Variants in APOLD1 observed in about 807,000 individuals in gnomAD.
APOLD1 encodes the protein apolipoprotein L domain containing 1.
Under a neutral mutation model 15.3 loss-of-function variants are expected in APOLD1, and 22 were observed. The ratio of observed to expected loss-of-function variants is 1.44; its 90% CI spans 1.03 to 2.05. The LOEUF (loss-of-function observed/expected upper bound fraction) is 2.05. Ranked by LOEUF, APOLD1 falls within the 30% of genes most tolerant of loss-of-function variation. The probability of loss-of-function intolerance (pLI) is 0.00; values close to 1 mark genes in which losing one functional copy is unlikely to be tolerated. For synonymous variants in APOLD1, 190 were observed against 167.4 expected (o/e 1.13, Z -1.04); for missense variants, 394 against 353.5 (o/e 1.11, Z -0.92).
chr12:12,752,158 A>G lies in APOLD1; in HGVS notation c.96+26062A>G, dbSNP rs1946817043. ...GTGGAAAGAAGAGACCTTCTATAAG[A>G]AGGAACTTGATTTTATCTCCTGTGT... On this transcript the variant is annotated intron_variant, in intron 1 of 1. Transcript: ENST00000326765. Among the ~76,000 whole-genome samples the G allele has an allele frequency of 2.6e-5, 4 of 152,342 alleles. No individual in the cohort carries two copies. The South Asian group carries it at 8.3e-4, about 32-fold the overall frequency.
chr12:12,767,427 C>T (rs1305859415), intron 1 of APOLD1, among the ~76,000 whole-genome samples: 1 of 151,954 alleles, frequency 6.6e-6, no homozygotes, highest in African/African-American at 2.4e-5. Context: ...TTTGGGAGGC[C>T]GAGGTGGGTG....
intron 1 of APOLD1, among the ~76,000 whole-genome samples, chr12:12,766,985 C>T (rs564361295): frequency 6.6e-4 from 101 of 151,942 alleles, no homozygotes; most frequent in African/African-American, 2.4e-3. Context: ...GTGGCTCATG[C>T]CTGTAATCTC....
chr12:12,753,494 C>T (rs1946829726), intron 1 of APOLD1, among the ~76,000 whole-genome samples: 1 of 151,858 alleles, frequency 6.6e-6, no homozygotes, highest in Non-Finnish European at 1.5e-5. Context: ...GAGACTACGT[C>T]ACTACAAAAA....
At chr12:12,749,223 C>T (rs1946788598) in intron 1 of APOLD1, among the ~76,000 whole-genome samples, 1 of 151,916 alleles carries the variant, frequency 6.6e-6, no homozygotes, top group South Asian at 2.1e-4. Context: ...TGGGATAGAG[C>T]CAGTGCTATG....
intron 1 of APOLD1, chr12:12,771,603 G>T: frequency 2.0e-6 from 1 of 510,836 alleles, no homozygotes; most frequent in South Asian, 1.4e-5. Context: ...ATCGAGGCCT[G>T]TGTCCTGTTC....
rs1191700346 is a variant in APOLD1, at chr12:12,789,363, GA to G, written c.*1713del. ...CTTTGAAGTAAGTGTGGAGAGTCTT[GA>G]ATGGCAAGACCAGGAGCTGAGTTTA... On this transcript the variant is annotated 3_prime_UTR_variant, in exon 2 of 2. Coordinates refer to ENST00000356591, the MANE Select transcript of APOLD1 (RefSeq NM_030817.3). The G allele has an allele frequency of 6.6e-6, 1 of 152,200 alleles. No homozygotes were observed. The highest frequency in any genetic ancestry group is 1.5e-5 in the Non-Finnish European group (1 of 68,056). 9.4% of individuals were successfully genotyped at this position (152,200 alleles called of 1,614,324 possible).
Position 12,771,324 on chromosome 12 carries a change from C to A in APOLD1, c.97-15585C>A, listed in dbSNP as rs527437724. On this transcript the variant is annotated intron_variant, in intron 1 of 1. Coordinates refer to the APOLD1 transcript ENST00000326765. Reference sequence around the variant, plus strand: ...GCTTTTATCTACCATTAGCAGGTGTCATGCCTGGTGGCCCCCTTATGGCCA... The same window carrying A: ...GCTTTTATCTACCATTAGCAGGTGTAATGCCTGGTGGCCCCCTTATGGCCA... 6.1e-5 allele frequency: 14 copies of A among 229,122 alleles called. No homozygotes were observed. In the East Asian group the frequency reaches 9.8e-4, roughly 16 times the overall value. The allele number at this position is 229,122 out of a possible 1,614,324, so 14.2% of individuals were successfully genotyped here.
Position 12,733,483 on chromosome 12 carries a change from C to A in APOLD1, c.96+7387C>A, listed in dbSNP as rs1462419028. On this transcript the variant is annotated intron_variant, in intron 1 of 1. Coordinates refer to the APOLD1 transcript ENST00000326765. ...AATTGAAGGTTACCCACCACATTAA[C>A]ATCTGTAGTTCCTATTTCTGAGGGC... Among the ~76,000 whole-genome samples, 3 of 152,214 alleles carry A rather than the reference C, an allele frequency of 2.0e-5. No homozygotes were observed. In the East Asian group the frequency reaches 5.8e-4, roughly 29 times the overall value.
At chr12:12,783,619 G>T (rs969856451), upstream of APOLD1, among the ~76,000 whole-genome samples, 1 of 143,262 alleles carries the variant, frequency 7.0e-6, no homozygotes, top group Non-Finnish European at 1.5e-5. Flanking sequence ...GGCCCCAGTT[G>T]GTTTTTTTTT....
chr12:12,761,625 A>G (rs528781027), intron 1 of APOLD1, among the ~76,000 whole-genome samples: 1 of 152,200 alleles, frequency 6.6e-6, no homozygotes, highest in Admixed American at 6.6e-5. Context: ...CTAATATATA[A>G]TTCAGTTGAA....
chr12:12,773,681 C>A (rs934386753), intron 1 of APOLD1, among the ~76,000 whole-genome samples: 1 of 152,122 alleles, frequency 6.6e-6, no homozygotes, highest in Non-Finnish European at 1.5e-5. Flanking sequence ...AACCTCTTCC[C>A]GACTTAATAC....
chr12:12,772,658 C>G (rs1946998106), intron 1 of APOLD1, among the ~76,000 whole-genome samples: 1 of 152,146 alleles, frequency 6.6e-6, no homozygotes, highest in African/African-American at 2.4e-5. Context: ...CTATAGATGA[C>G]TTTATTAAAC....
chr12:12,780,395 C>T (rs1947070448), intron 1 of APOLD1, among the ~76,000 whole-genome samples: 1 of 151,830 alleles, frequency 6.6e-6, no homozygotes, highest in Admixed American at 6.6e-5. Flanking sequence ...GGACTACAGG[C>T]ACACACCACC....
intron 1 of APOLD1, among the ~76,000 whole-genome samples, chr12:12,755,247 A>G (rs1946848832): frequency 1.3e-5 from 2 of 152,220 alleles, no homozygotes; most frequent in African/African-American, 4.8e-5. Flanking sequence ...AATTCGTTAT[A>G]TATAATGAGA....
At chr12:12,746,082 G>A (rs1946762698) in intron 1 of APOLD1, among the ~76,000 whole-genome samples, 2 of 152,142 alleles carry the variant, frequency 1.3e-5, no homozygotes, top group Admixed American at 6.5e-5. Context: ...GCCTTGCAGT[G>A]TGGCTATTTC....
At chr12:12,757,095 C>A (rs1946862292) in intron 1 of APOLD1, among the ~76,000 whole-genome samples, 1 of 152,016 alleles carries the variant, frequency 6.6e-6, no homozygotes, top group Admixed American at 6.6e-5. Flanking sequence ...CCTACAGCTG[C>A]TTTTTAACTG....
intron 1 of APOLD1, among the ~76,000 whole-genome samples, chr12:12,763,252 AT>A (rs999884420): frequency 7.6e-4 from 116 of 151,690 alleles, no homozygotes; most frequent in Admixed American, 1.2e-3. Flanking sequence ...ATTACCTCAC[AT>A]TTTTTTTTGT....
At chr12:12,731,666 GA>G (rs1244053522) in intron 1 of APOLD1, among the ~76,000 whole-genome samples, 1 of 152,152 alleles carries the variant, frequency 6.6e-6, no homozygotes, top group Non-Finnish European at 1.5e-5. Flanking sequence ...TTTAATAAAT[GA>G]AAACATGCTC....
chr12:12,766,324 G>GCAA (rs1565433856), intron 1 of APOLD1, among the ~76,000 whole-genome samples: 1 of 152,006 alleles, frequency 6.6e-6, no homozygotes, highest in Non-Finnish European at 1.5e-5. Context: ...GCAGGATCAT[G>GCAA]TAATATAGTA....
Sources: allele counts gnomAD v4.1 joint callset (sites outside exome capture counted in the v4.1 genomes callset), GRCh38; gene constraint gnomAD v4.1.1; transcripts MANE v1.5; gene names NCBI Gene and HGNC (gene_info 2026-07-23, HGNC 2026-07-21).